MED13L: variants seen among roughly 807,000 people sequenced by gnomAD.
MED13L encodes the protein mediator of RNA polymerase II transcription subunit 13-like.
Under a neutral mutation model 220.9 loss-of-function variants are expected in MED13L, and 7 were observed. That is an observed-to-expected ratio of 0.03 (90% CI 0.02 to 0.06). MED13L has a LOEUF of 0.06. MED13L is among the 10% of genes least tolerant of loss of function. The probability of loss-of-function intolerance (pLI) is 1.00; values close to 1 mark genes in which losing one functional copy is unlikely to be tolerated. For missense variants in MED13L, 1,965 were observed against 2,760.5 expected (o/e 0.71, Z 6.46); for synonymous variants, 1,011 against 1,015.2 (o/e 1.00, Z 0.08).
intron 4 of MED13L, among the ~76,000 whole-genome samples, chr12:116,031,643 G>GGA (rs1880751420): frequency 1.1e-4 from 11 of 102,296 alleles, no homozygotes; most frequent in African/African-American, 3.7e-4. Flanking sequence ...GGAGGGGAGG[G>GGA]GGGACGGGAC....
chr12:116,174,552 T>TC (rs1879910289), intron 2 of MED13L: 1 of 151,936 alleles, frequency 6.6e-6, no homozygotes, highest in African/African-American at 2.4e-5. Context: ...TCAAAGCATA[T>TC]CTGACTATTC....
intron 2 of MED13L, chr12:116,236,730 T>G (rs937841771): frequency 1.6e-6 from 1 of 610,806 alleles, no homozygotes; most frequent in African/African-American, 2.0e-5. Flanking sequence ...GGTAAAAATT[T>G]TTACCAGAAA....
chr12:116,101,187 C>T (rs548992479), intron 3 of MED13L, among the ~76,000 whole-genome samples: 1 of 152,298 alleles, frequency 6.6e-6, no homozygotes, highest in Non-Finnish European at 1.5e-5. Context: ...CTAACATCTA[C>T]AAATCAGCAC....
rs138246667 is a variant in MED13L, at chr12:116,089,201, A to C, written c.479+7468T>G. On this transcript the variant is annotated intron_variant, in intron 4 of 30. Coordinates refer to ENST00000281928, the MANE Select transcript of MED13L (RefSeq NM_015335.5). Reference sequence around the variant, plus strand: ...AAAATCTGCCTTCTTTTATGTCCACACCATAGTAGTGTTCACTAAATTCTT... The same window carrying C: ...AAAATCTGCCTTCTTTTATGTCCACCCCATAGTAGTGTTCACTAAATTCTT... Among the ~76,000 whole-genome samples, 15 of 152,316 alleles carry C rather than the reference A, an allele frequency of 9.8e-5. No individual in the cohort carries two copies. In the East Asian group the frequency reaches 2.7e-3, roughly 27 times the overall value.
chr12:116,002,616 G>C (rs1207027485), intron 14 of MED13L, among the ~76,000 whole-genome samples: 1 of 152,154 alleles, frequency 6.6e-6, no homozygotes, highest in Non-Finnish European at 1.5e-5. Flanking sequence ...ATATCCTTGA[G>C]TGAATTATAT....
At position 116,007,578 on chromosome 12, in the gene MED13L, G is replaced by C; in HGVS notation, c.2071C>G (p.Gln691Glu). ...AATGGGTCAAGGAAGTGGAGTGGCT[G>C]CAACTGGGGCTGTTTGTCTTGCCAG... ...KIWQDKQPQL[Q>E]PLHFLDPLPL... Residue 691 changes from glutamine to glutamate, a missense_variant, in exon 11 of 31, where the codon CAG (glutamine) becomes GAG (glutamate). Physicochemically the swap from Gln to Glu is conservative, Grantham distance 29. Transcript: ENST00000281928. 1 of 1,607,232 alleles carries C rather than the reference G, an allele frequency of 6.2e-7. No individual in the cohort carries two copies. Among genetic ancestry groups the C allele is most frequent in the African/African-American group, 1.4e-5 (1 of 73,436 alleles).
At chr12:115,965,986 AG>A (rs1292081197) in intron 29 of MED13L, 95 bp downstream of exon 29, 1 of 1,424,704 alleles carries the variant, frequency 7.0e-7, no homozygotes, top group African/African-American at 1.4e-5. Flanking sequence ...GAACAGAATA[AG>A]ATTATGGTGA....
intron 2 of MED13L, among the ~76,000 whole-genome samples, chr12:116,232,660 T>C (rs900817402): frequency 2.6e-5 from 4 of 152,222 alleles, no homozygotes; most frequent in Non-Finnish European, 4.4e-5. Context: ...GGACCAGAGA[T>C]TTGTAATGCT....
chr12:116,081,091 A>G (rs1043962593), intron 4 of MED13L, among the ~76,000 whole-genome samples: 1 of 152,208 alleles, frequency 6.6e-6, no homozygotes, highest in East Asian at 1.9e-4. Flanking sequence ...TAGTAGAAAC[A>G]GTTTCTGTCC....
chr12:116,201,738 T>C (rs899654246), intron 2 of MED13L, among the ~76,000 whole-genome samples: 3 of 152,204 alleles, frequency 2.0e-5, no homozygotes, highest in Non-Finnish European at 4.4e-5. Flanking sequence ...TCTGCAGGTC[T>C]TCAAATGGAT....
Position 116,019,765 on chromosome 12 carries a change from T to C in MED13L, c.820+13A>G, listed in dbSNP as rs1405567331. The C allele has an allele frequency of 1.2e-6, 2 of 1,611,750 alleles. No homozygotes were observed. Among genetic ancestry groups the C allele is most frequent in the Admixed American group, 1.7e-5 (1 of 59,966 alleles). On this transcript the variant is annotated intron_variant, in intron 6 of 30. Transcript: ENST00000281928. ...GAAGAATAAAGTTCTTCAGGCAAAA[T>C]ATTTTCTCTTACCAACAATTACTTC...
chr12:116,268,707 T>A (rs1355799072), intron 1 of MED13L, among the ~76,000 whole-genome samples: 1 of 152,258 alleles, frequency 6.6e-6, no homozygotes, highest in East Asian at 1.9e-4. Context: ...ATAATTCTTA[T>A]TCAGTTTAAT....
At chr12:116,239,258 G>A (rs1280469510) in intron 1 of MED13L, among the ~76,000 whole-genome samples, 1 of 152,150 alleles carries the variant, frequency 6.6e-6, no homozygotes, top group Non-Finnish European at 1.5e-5. Context: ...AATTTTTAAT[G>A]AATATGTTTA....
rs753750854 is a variant in MED13L, at chr12:115,991,528, C to G, written c.3426G>C (p.Gly1142=). 6.2e-7 allele frequency: 1 copy of G among 1,614,134 alleles called. No individual in the cohort carries two copies. The highest frequency in any genetic ancestry group is 8.5e-7 in the Non-Finnish European group (1 of 1,180,026). The part of the protein sequence containing the change: ...CICACNMNIK[G]ADVGLYIPDS... ...CGGGGATGTAAAGCCCGACATCCGCCCCTTTGATGTTCATGTTGCAGGCAC... is the reference window on the plus strand; with the variant it reads ...CGGGGATGTAAAGCCCGACATCCGCGCCTTTGATGTTCATGTTGCAGGCAC... The change falls in exon 17 of 31, where the codon GGG becomes GGC. Residue 1142 remains glycine (G), a synonymous_variant. Coordinates refer to ENST00000281928, the MANE Select transcript of MED13L (RefSeq NM_015335.5). The surrounding 1 kb of genome is among the most constrained non-coding windows in gnomAD (Gnocchi z 7.7).
chr12:116,258,196 C>T (rs1872213109), intron 1 of MED13L, among the ~76,000 whole-genome samples: 2 of 152,278 alleles, frequency 1.3e-5, no homozygotes, highest in Admixed American at 6.5e-5. Context: ...AAATGTACTA[C>T]TGGTTAAAAG....
chr12:116,168,734 T>C (rs1879465980), intron 2 of MED13L, among the ~76,000 whole-genome samples: 1 of 152,150 alleles, frequency 6.6e-6, no homozygotes, highest in South Asian at 2.1e-4. Context: ...AACTACAAAG[T>C]TGAAGATGCT....
At chr12:116,139,880 G>A (rs1741224980) in intron 2 of MED13L, among the ~76,000 whole-genome samples, 1 of 147,874 alleles carries the variant, frequency 6.8e-6, no homozygotes, top group South Asian at 2.1e-4. Context: ...TGAGGCAAGA[G>A]AATCACTTGA....
intron 16 of MED13L, among the ~76,000 whole-genome samples, chr12:115,994,890 C>T (rs1341826111): frequency 6.6e-6 from 1 of 152,186 alleles, no homozygotes; most frequent in Non-Finnish European, 1.5e-5. Context: ...GGTACTTCTA[C>T]AGTCATTAGT....
intron 3 of MED13L, among the ~76,000 whole-genome samples, chr12:116,105,981 C>A (rs755640695): frequency 5.3e-5 from 8 of 152,220 alleles, no homozygotes; most frequent in Admixed American, 2.6e-4. Context: ...TGCTCTGCCA[C>A]TGCTCTGTGC....
Sources: allele counts gnomAD v4.1 joint callset (sites outside exome capture counted in the v4.1 genomes callset), GRCh38; gene constraint gnomAD v4.1.1; non-coding constraint Gnocchi (gnomAD v3.1); transcripts MANE v1.5; gene names NCBI Gene and HGNC (gene_info 2026-07-23, HGNC 2026-07-21).